Variants in ITPR1 observed in about 807,000 individuals in gnomAD.
The protein encoded by ITPR1 is inositol 1,4,5-trisphosphate receptor type 1.
Under a neutral mutation model 318.4 loss-of-function variants are expected in ITPR1, and 96 were observed. The observed-to-expected ratio is 0.30, with a 90% CI of 0.26 to 0.36. ITPR1 has a LOEUF of 0.36. ITPR1 is among the 10% of genes least tolerant of loss of function. ITPR1 has a pLI of 1.00. For missense variants in ITPR1, 2,440 were observed against 3,460.2 expected (o/e 0.71, Z 7.40); for synonymous variants, 1,312 against 1,289.9 (o/e 1.02, Z -0.37).
At chr3:4,634,058 C>T (rs910208557) in intron 5 of ITPR1, among the ~76,000 whole-genome samples, 4 of 152,164 alleles carry the variant, frequency 2.6e-5, no homozygotes, top group Non-Finnish European at 4.4e-5. Flanking sequence ...GCTTAGGGAA[C>T]ATGGTGAATA....
chr3:4,549,711 A>G (rs546133794), intron 4 of ITPR1, among the ~76,000 whole-genome samples: 2 of 152,098 alleles, frequency 1.3e-5, no homozygotes, highest in Non-Finnish European at 2.9e-5. Flanking sequence ...TTGGGTTTTC[A>G]TCAGTAGCCT....
chr3:4,574,743 C>T (rs2088440894), intron 4 of ITPR1, among the ~76,000 whole-genome samples: 1 of 152,234 alleles, frequency 6.6e-6, no homozygotes, highest in Admixed American at 6.5e-5. Flanking sequence ...GCTCCTGATG[C>T]GTCAGTCACA....
At chr3:4,746,101 C>G (rs1238224369) in intron 44 of ITPR1, among the ~76,000 whole-genome samples, 1 of 152,192 alleles carries the variant, frequency 6.6e-6, no homozygotes, top group East Asian at 1.9e-4. Context: ...TATTCTTGAC[C>G]ACCAGGCTCG....
In ITPR1 at chr3:4,840,029, CTTTTT is replaced by C. The variant is rs56096727; in HGVS notation, c.8190+3119_8190+3123del. 1.4e-4 allele frequency among the ~76,000 whole-genome samples: 15 copies of C among 104,894 alleles called. 1 individual carries two copies. The highest frequency in any genetic ancestry group is 3.6e-4 in the African/African-American group (9 of 24,942). 68.8% of individuals were successfully genotyped at this position (104,894 alleles called of 152,430 possible). On this transcript the variant is annotated intron_variant, in intron 61 of 61. Transcript: ENST00000649015. ...TTACAGGAAAAATTCAGCATAGCTG[CTTTTT>C]TTTTTTTTTTTTTTTTTTTTTTTTG...
Position 4,710,554 on chromosome 3 carries a change from CGTT to C in ITPR1, c.4991+84_4991+86del. The C allele has an allele frequency of 1.4e-6, 2 of 1,392,412 alleles. No individual in the cohort carries two copies. Among genetic ancestry groups the C allele is most frequent in the Non-Finnish European group, 1.9e-6 (2 of 1,025,790 alleles). The allele number at this position is 1,392,412 out of a possible 1,614,324, so 86.3% of individuals were successfully genotyped here. ...AAGCTTTTGTTCCCGAAGAAGGAGA[CGTT>C]GTCCTGTTTTTTAACTTTGATGAAT... On this transcript the variant is annotated intron_variant, in intron 38 of 61. Transcript: ENST00000649015. The surrounding 1 kb of genome is among the most constrained non-coding windows in gnomAD (Gnocchi z 4.2).
At chr3:4,591,970 T>G (rs544236689) in intron 4 of ITPR1, among the ~76,000 whole-genome samples, 1 of 152,358 alleles carries the variant, frequency 6.6e-6, no homozygotes, top group Admixed American at 6.5e-5. Context: ...TCTTAGAACT[T>G]CTTTTATTTT....
At chr3:4,814,291 C>G (rs1473095300) in intron 57 of ITPR1, 132 bp from the exon 58 acceptor site, 4 of 1,006,952 alleles carry the variant, frequency 4.0e-6, no homozygotes, top group Non-Finnish European at 6.2e-6. Context: ...TAAGAAAATT[C>G]TTGGCTCTTG....
chr3:4,499,261 AG>A (rs577259839), intron 2 of ITPR1, among the ~76,000 whole-genome samples: 18 of 152,248 alleles, frequency 1.2e-4, no homozygotes, highest in Non-Finnish European at 2.5e-4. Context: ...ATTAGAGATT[AG>A]GGTTTCAGGC....
intron 59 of ITPR1, chr3:4,817,288 G>T (rs1249676206): frequency 6.6e-6 from 1 of 152,188 alleles, no homozygotes; most frequent in African/African-American, 2.4e-5. Flanking sequence ...ATTCCTGTTG[G>T]TGTGCTGCTG....
At chr3:4,811,728 G>T (rs2048951086) in intron 56 of ITPR1, among the ~76,000 whole-genome samples, 1 of 152,166 alleles carries the variant, frequency 6.6e-6, no homozygotes, top group Admixed American at 6.5e-5. Context: ...TTGTAAAGCA[G>T]TGACCATACA....
chr3:4,747,146 G>A (rs1161484601), intron 44 of ITPR1, among the ~76,000 whole-genome samples: 1 of 152,222 alleles, frequency 6.6e-6, no homozygotes, highest in Non-Finnish European at 1.5e-5. Context: ...TATGATGGCA[G>A]CAGTCCTCTT....
At chr3:4,789,129 G>T (rs184112166) in intron 52 of ITPR1, among the ~76,000 whole-genome samples, 1 of 152,086 alleles carries the variant, frequency 6.6e-6, no homozygotes, top group African/African-American at 2.4e-5. Flanking sequence ...TTCCAGCCCC[G>T]CTGTACTCTT....
intron 4 of ITPR1, among the ~76,000 whole-genome samples, chr3:4,627,221 C>T (rs115570430): frequency 6.6e-6 from 1 of 151,972 alleles, no homozygotes; most frequent in Non-Finnish European, 1.5e-5. Flanking sequence ...GACTATTTGT[C>T]CTTGTATTTA....
chr3:4,751,488 A>G (rs1458946541), intron 44 of ITPR1: 1 of 152,118 alleles, frequency 6.6e-6, no homozygotes, highest in East Asian at 1.9e-4. Flanking sequence ...GTGAGTAGGG[A>G]GGTTAGGATG....
At chr3:4,650,380 T>A (rs1459528708) in intron 10 of ITPR1, among the ~76,000 whole-genome samples, 1 of 152,152 alleles carries the variant, frequency 6.6e-6, no homozygotes, top group Non-Finnish European at 1.5e-5. Flanking sequence ...GTGGCCTTCA[T>A]TTTGAAGGAC....
chr3:4,818,258 T>C lies in ITPR1; in HGVS notation c.8028+16T>C, dbSNP rs1272614501. On this transcript the variant is annotated intron_variant, in intron 60 of 61. Coordinates refer to ENST00000649015, the MANE Select transcript of ITPR1 (RefSeq NM_001378452.1). Reference sequence around the variant, plus strand: ...AATGATCAAGGTGAGTGGAAAGGCCTCCTGGGAGCAAGGTGGACTTGGGGC... The same window carrying C: ...AATGATCAAGGTGAGTGGAAAGGCCCCCTGGGAGCAAGGTGGACTTGGGGC... The C allele has an allele frequency of 1.3e-6, 2 of 1,553,742 alleles. No homozygotes were observed. The highest frequency in any genetic ancestry group is 8.8e-7 in the Non-Finnish European group (1 of 1,136,370).
chr3:4,753,624 G>T (rs1408609656), intron 44 of ITPR1, among the ~76,000 whole-genome samples: 1 of 152,120 alleles, frequency 6.6e-6, no homozygotes, highest in African/African-American at 2.4e-5. Context: ...GACTAGGGTT[G>T]ACTGGGGGTG....
intron 5 of ITPR1, among the ~76,000 whole-genome samples, chr3:4,630,735 A>G (rs908300080): frequency 6.6e-6 from 1 of 151,830 alleles, no homozygotes; most frequent in African/African-American, 2.4e-5. Flanking sequence ...ACAGGCATGC[A>G]CCACCACGCC....
intron 39 of ITPR1, among the ~76,000 whole-genome samples, chr3:4,716,376 C>G (rs966997004): frequency 1.3e-5 from 2 of 152,168 alleles, no homozygotes; most frequent in Admixed American, 6.5e-5. Context: ...TATTATTAAA[C>G]TGCTGTTGAC....
Sources: gnomAD v4.1 joint callset for allele counts (sites outside exome capture counted in the v4.1 genomes callset) on GRCh38, gnomAD v4.1.1 for gene constraint, Gnocchi (gnomAD v3.1) non-coding constraint, MANE v1.5 for transcripts, NCBI Gene and HGNC (gene_info 2026-07-23, HGNC 2026-07-21) for gene names.